ANXA4: variants seen among roughly 807,000 people sequenced by gnomAD.
ANXA4 encodes annexin A4, also known as 35-beta calcimedin.
In ANXA4, 39 loss-of-function variants were observed where a neutral mutation model predicts 49.8. The ratio of observed to expected loss-of-function variants is 0.78; its 90% CI spans 0.61 to 1.02. The LOEUF (loss-of-function observed/expected upper bound fraction) is 1.02. Ranked by LOEUF, ANXA4 falls within the 50% of genes least tolerant of loss-of-function variation. The pLI, the probability that ANXA4 is intolerant of heterozygous loss-of-function variation, is 0.00. For synonymous variants in ANXA4, 134 were observed against 152.5 expected (o/e 0.88, Z 0.89); for missense variants, 360 against 410.1 (o/e 0.88, Z 1.05).
At chr2:69,654,401 A>G (rs565199220) in intron 2 of ANXA4, among the ~76,000 whole-genome samples, 9 of 152,214 alleles carry the variant, frequency 5.9e-5, no homozygotes, top group Non-Finnish European at 1.0e-4. Context: ...TGCCCATTCA[A>G]TATGATATTG....
At position 69,762,859 on chromosome 2, in the gene ANXA4, TCACTCACA is replaced by T. The variant is rs1039391904; in HGVS notation, c.-46-18649_-46-18642del. ...CCTATTGTCTCATAAACACACACACTCACTCACACACTCACACACACTCATACTCACTC... is the reference window on the plus strand; with the variant it reads ...CCTATTGTCTCATAAACACACACACTCACTCACACACACTCATACTCACTC... On this transcript the variant is annotated intron_variant, in intron 1 of 12. Coordinates refer to ENST00000394295, the MANE Select transcript of ANXA4 (RefSeq NM_001153.5). 9.4e-3 allele frequency among the ~76,000 whole-genome samples: 881 copies of T among 93,724 alleles called. 13 individuals carry two copies. Among genetic ancestry groups the T allele is most frequent in the African/African-American group, 0.044 (825 of 18,924 alleles). The allele number at this position is 93,724 out of a possible 152,430, so 61.5% of individuals were successfully genotyped here.
At position 69,806,439 on chromosome 2, in the gene ANXA4, G is replaced by A. The variant is rs576142446; in HGVS notation, c.247G>A (p.Val83Met). ...ELSGNFEQVI[V>M]GMMTPTVLYD... ...GAGTGGCAACTTCGAGCAGGTGATT[G>A]TGGGGATGATGACGCCCACGGTGCT... Residue 83 changes from valine (V) to methionine (M), a missense_variant, in exon 5 of 13, where the codon GTG (valine) becomes ATG (methionine). Physicochemically the swap from Val to Met is conservative, Grantham distance 21. Coordinates refer to ENST00000394295, the MANE Select transcript of ANXA4 (RefSeq NM_001153.5). 1 of 1,614,190 alleles carries A rather than the reference G, an allele frequency of 6.2e-7. No individual in the cohort carries two copies. Among genetic ancestry groups the A allele is most frequent in the African/African-American group, 1.3e-5 (1 of 75,048 alleles).
At chr2:69,659,352 A>G (rs1324597809) in intron 2 of ANXA4, among the ~76,000 whole-genome samples, 2 of 152,256 alleles carry the variant, frequency 1.3e-5, no homozygotes, top group Admixed American at 6.5e-5. Flanking sequence ...TTTTGAAACA[A>G]TGCACTAAAA....
At chr2:69,759,469 C>T (rs552909873) in intron 1 of ANXA4, among the ~76,000 whole-genome samples, 2 of 152,192 alleles carry the variant, frequency 1.3e-5, no homozygotes, top group South Asian at 2.1e-4. Context: ...AAAGGCTTTC[C>T]AGTCTCTAAA....
intron 3 of ANXA4, among the ~76,000 whole-genome samples, chr2:69,803,230 A>G (rs546571867): frequency 6.6e-6 from 1 of 152,106 alleles, no homozygotes; most frequent in East Asian, 1.9e-4. Context: ...TAGGTCCCCA[A>G]GGTATGTAAA....
intron 1 of ANXA4, among the ~76,000 whole-genome samples, chr2:69,761,000 AAATT>A (rs780031130): frequency 1.9e-3 from 285 of 151,152 alleles, no homozygotes; most frequent in Non-Finnish European, 2.0e-3. Context: ...CGTCTCTATT[AAATT>A]AATTAATTAA....
intron 1 of ANXA4, among the ~76,000 whole-genome samples, chr2:69,780,474 G>A (rs1488297654): frequency 6.6e-6 from 1 of 152,196 alleles, no homozygotes; most frequent in Non-Finnish European, 1.5e-5. Flanking sequence ...GGGATTACAG[G>A]CGTGAGCCAC....
In ANXA4 at chr2:69,709,981, C is replaced by CTTTTTTT. The variant is rs974347199; in HGVS notation, n.767-10776_767-10770dup. On this transcript the variant is annotated intron_variant and non_coding_transcript_variant, in intron 2 of 3. Coordinates refer to the ANXA4 transcript ENST00000418066. Reference sequence around the variant, plus strand: ...TATTATGGCAGCATGCACTTCCAGGCTTTTTTTTTTTTTTTTTTTTTTTGA... The same window carrying CTTTTTTT: ...TATTATGGCAGCATGCACTTCCAGGCTTTTTTTTTTTTTTTTTTTTTTTTTTTTTTGA... Among the ~76,000 whole-genome samples, 15 of 97,022 alleles carry CTTTTTTT rather than the reference C, an allele frequency of 1.5e-4. 1 individual carries two copies. Among genetic ancestry groups the CTTTTTTT allele is most frequent in the Admixed American group, 4.7e-4 (4 of 8,586 alleles). The allele number at this position is 97,022 out of a possible 152,430, so 63.7% of individuals were successfully genotyped here. A position where few individuals can be genotyped will look rare whatever the true frequency, so the allele number is the denominator to read the frequency against.
intron 1 of ANXA4, among the ~76,000 whole-genome samples, chr2:69,765,050 A>C (rs1199799839): frequency 6.6e-6 from 1 of 151,504 alleles, no homozygotes; most frequent in African/African-American, 2.4e-5. Context: ...ATTCCACTGT[A>C]TATATTCCAC....
At position 69,681,231 on chromosome 2, in the gene ANXA4, A is replaced by G. The variant is rs137970064; in HGVS notation, n.766+27949A>G. Among the ~76,000 whole-genome samples, 82 of 152,206 alleles carry G rather than the reference A, an allele frequency of 5.4e-4. 1 individual carries two copies. The East Asian group carries it at 0.014, about 26-fold the overall frequency. On this transcript the variant is annotated intron_variant and non_coding_transcript_variant, in intron 2 of 3. Transcript: ENST00000418066. ...CATATTTTTCTTATTCAATCTTGGT[A>G]GGCTGTATGTGTCCAATAATTTGTT...
chr2:69,778,879 CTT>C (rs1452769042), intron 1 of ANXA4, among the ~76,000 whole-genome samples: 5 of 150,290 alleles, frequency 3.3e-5, no homozygotes, highest in Admixed American at 3.3e-4. Context: ...GGGCAGATCA[CTT>C]GAGGTCAGAA....
At chr2:69,765,221 T>G (rs1671450602) in intron 1 of ANXA4, among the ~76,000 whole-genome samples, 1 of 152,232 alleles carries the variant, frequency 6.6e-6, no homozygotes, top group African/African-American at 2.4e-5. Flanking sequence ...CTGCTTCCTG[T>G]TCTTTTGGGT....
In ANXA4 at chr2:69,669,097, G is replaced by A. The variant is rs942403307; in HGVS notation, n.766+15815G>A. On this transcript the variant is annotated intron_variant and non_coding_transcript_variant, in intron 2 of 3. Transcript: ENST00000418066. Reference sequence around the variant, plus strand: ...GATTACAGGTGTGTGCCACCACGCCGGCTAATCTGGCTAATTTTTGTATTT... The same window carrying A: ...GATTACAGGTGTGTGCCACCACGCCAGCTAATCTGGCTAATTTTTGTATTT... Among the ~76,000 whole-genome samples, 8 of 150,858 alleles carry A rather than the reference G, an allele frequency of 5.3e-5. No homozygotes were observed. In the East Asian group the frequency reaches 1.0e-3, roughly 19 times the overall value.
chr2:69,723,636 T>C (rs1405289361), intron 3 of ANXA4, among the ~76,000 whole-genome samples: 1 of 152,252 alleles, frequency 6.6e-6, no homozygotes, highest in Non-Finnish European at 1.5e-5. Flanking sequence ...AAATTTCTTA[T>C]GCCGTTTATC....
chr2:69,782,000 G>T (rs1421537583), intron 2 of ANXA4, among the ~76,000 whole-genome samples: 1 of 152,034 alleles, frequency 6.6e-6, no homozygotes, highest in African/African-American at 2.4e-5. Flanking sequence ...TGGGTGTGTT[G>T]GCTGCCTCCT....
intron 1 of ANXA4, among the ~76,000 whole-genome samples, chr2:69,651,665 G>C (rs1162779483): frequency 6.6e-6 from 1 of 151,842 alleles, no homozygotes; most frequent in Non-Finnish European, 1.5e-5. Flanking sequence ...ACCACGCCCA[G>C]CTAATTTTTT....
At chr2:69,751,363 CCAGG>C (rs1190738234) in intron 1 of ANXA4, among the ~76,000 whole-genome samples, 16 of 151,968 alleles carry the variant, frequency 1.1e-4, no homozygotes, top group South Asian at 4.2e-4. Context: ...AAACAATTGG[CCAGG>C]CATGGTGGCA....
chr2:69,718,203 A>C (rs754775345), intron 2 of ANXA4, among the ~76,000 whole-genome samples: 5 of 152,134 alleles, frequency 3.3e-5, no homozygotes, highest in Non-Finnish European at 5.9e-5. Flanking sequence ...TCCCATCTAC[A>C]TAACAGAAGT....
At chr2:69,748,385 A>G (rs934500559) in intron 1 of ANXA4, among the ~76,000 whole-genome samples, 1 of 150,832 alleles carries the variant, frequency 6.6e-6, no homozygotes, top group Non-Finnish European at 1.5e-5. Flanking sequence ...TCCGTCTCAA[A>G]AAAAGAAAAA....
Sources: allele counts gnomAD v4.1 joint callset (sites outside exome capture counted in the v4.1 genomes callset), GRCh38; gene constraint gnomAD v4.1.1; transcripts MANE v1.5; gene names NCBI Gene and HGNC (gene_info 2026-07-23, HGNC 2026-07-21).